The following RBFOX1 variants were observed in gnomAD, a reference collection of about 807,000 sequenced individuals.
RBFOX1 encodes RNA binding fox-1 homolog 1, also known as RNA binding protein fox-1 homolog 1.
A neutral mutation model predicts 57.7 loss-of-function variants in RBFOX1; 8 were observed. That is an observed-to-expected ratio of 0.14 (90% CI 0.08 to 0.25). The LOEUF (loss-of-function observed/expected upper bound fraction) is 0.25, where lower values mean the gene tolerates loss of function less well. Among genes scored for constraint, RBFOX1 ranks in the 10% least tolerant of loss-of-function variants. The probability of loss-of-function intolerance (pLI) is 1.00; values close to 1 mark genes in which losing one functional copy is unlikely to be tolerated. For synonymous variants in RBFOX1, 326 were observed against 222.4 expected, an observed-to-expected ratio of 1.47 and a Z score of -4.15; for missense variants, 611 against 548.5, an observed-to-expected ratio of 1.11 and a Z score of -1.14.
At chr16:6,930,672 G>C (rs947211221) in intron 3 of RBFOX1, among the ~76,000 whole-genome samples, 1 of 152,134 alleles carries the variant, frequency 6.6e-6, no homozygotes, top group Non-Finnish European at 1.5e-5. Context: ...GGCCTCCCAA[G>C]TTGCTGGGAT....
chr16:6,682,045 C>G (rs916767638), intron 3 of RBFOX1, among the ~76,000 whole-genome samples: 2 of 152,202 alleles, frequency 1.3e-5, no homozygotes, highest in African/African-American at 4.8e-5. Flanking sequence ...ACTCTTTGCT[C>G]ATATCTACTG....
At chr16:5,913,016 C>G (rs572364317) in intron 4 of RBFOX1, among the ~76,000 whole-genome samples, 5 of 152,106 alleles carry the variant, frequency 3.3e-5, no homozygotes, top group South Asian at 2.1e-4. Context: ...TCAGAAGACC[C>G]AAGTCTAAGT....
At chr16:7,036,411 C>G (rs956919205) in intron 3 of RBFOX1, among the ~76,000 whole-genome samples, 1 of 152,040 alleles carries the variant, frequency 6.6e-6, no homozygotes, top group East Asian at 1.9e-4. Flanking sequence ...GGATCTCCCT[C>G]AAGAAAGAAT....
intron 1 of RBFOX1, among the ~76,000 whole-genome samples, chr16:5,373,343 G>A (rs186408253): frequency 7.0e-4 from 106 of 152,284 alleles, no homozygotes; most frequent in Non-Finnish European, 1.4e-3. Context: ...GTTGGAGGAG[G>A]GACCCGGTGG....
chr16:6,761,942 T>C (rs148005351), intron 3 of RBFOX1, among the ~76,000 whole-genome samples: 79 of 152,270 alleles, frequency 5.2e-4, no homozygotes, highest in African/African-American at 1.9e-3. Flanking sequence ...CATTTATCTC[T>C]GACATTTTTT....
chr16:6,130,970 T>G (rs1272861303), intron 1 of RBFOX1, among the ~76,000 whole-genome samples: 1 of 152,180 alleles, frequency 6.6e-6, no homozygotes, highest in African/African-American at 2.4e-5. Context: ...GAAAAAACAT[T>G]CATAACCAGA....
chr16:7,483,731 G>T (rs1395952627), intron 4 of RBFOX1, among the ~76,000 whole-genome samples: 3 of 152,210 alleles, frequency 2.0e-5, no homozygotes. Flanking sequence ...CAAGACAACA[G>T]GTTACTGGGG....
intron 4 of RBFOX1, among the ~76,000 whole-genome samples, chr16:7,319,483 G>T (rs1343401459): frequency 6.6e-6 from 1 of 152,170 alleles, no homozygotes; most frequent in South Asian, 2.1e-4. Flanking sequence ...GTCAGTGTTT[G>T]TATGTCTGGG....
chr16:6,167,594 G>A (rs1166100195), intron 1 of RBFOX1, among the ~76,000 whole-genome samples: 1 of 152,178 alleles, frequency 6.6e-6, no homozygotes, highest in African/African-American at 2.4e-5. Context: ...ATGATAGTGA[G>A]ATAGGAATTT....
intron 4 of RBFOX1, among the ~76,000 whole-genome samples, chr16:5,958,118 C>T (rs1368981326): frequency 6.6e-6 from 1 of 152,182 alleles, no homozygotes; most frequent in African/African-American, 2.4e-5. Flanking sequence ...AGTGATGGCA[C>T]TACCTTTGTA....
downstream of RBFOX1, among the ~76,000 whole-genome samples, chr16:5,604,471 C>T (rs1432811893): frequency 1.3e-5 from 2 of 152,182 alleles, no homozygotes; most frequent in Non-Finnish European, 2.9e-5. Context: ...CCTACGGTTC[C>T]CTGCCACATG....
chr16:6,895,466 A>G (rs1236405328), intron 3 of RBFOX1, among the ~76,000 whole-genome samples: 6 of 116,218 alleles, frequency 5.2e-5, no homozygotes, highest in East Asian at 3.9e-4. Flanking sequence ...ATATATATAT[A>G]TATATATATA....
chr16:6,442,367 C>T (rs73538160), intron 2 of RBFOX1, among the ~76,000 whole-genome samples: 1 of 152,060 alleles, frequency 6.6e-6, no homozygotes, highest in Non-Finnish European at 1.5e-5. Context: ...ACCATCCAGA[C>T]CAACATGGTG....
At chr16:6,681,763 C>T (rs1009453569) in intron 3 of RBFOX1, among the ~76,000 whole-genome samples, 1 of 151,990 alleles carries the variant, frequency 6.6e-6, no homozygotes, top group South Asian at 2.1e-4. Flanking sequence ...CATAACCACT[C>T]TCTGTAATTC....
chr16:7,489,417 C>G (rs1288911280), intron 4 of RBFOX1, among the ~76,000 whole-genome samples: 1 of 152,074 alleles, frequency 6.6e-6, no homozygotes, highest in Non-Finnish European at 1.5e-5. Context: ...TGTATTAATC[C>G]CATTTAATCT....
chr16:6,658,945 G>GTTTTTTTGTTTTT (rs1555662403), intron 3 of RBFOX1, among the ~76,000 whole-genome samples: 59 of 139,484 alleles, frequency 4.2e-4, no homozygotes, highest in South Asian at 1.6e-3. Context: ...TGTTTTTTTT[G>GTTTTTTTGTTTTT]TTTTTTTTTT....
chr16:5,548,315 A>C (rs370654964), intron 2 of RBFOX1, among the ~76,000 whole-genome samples: 3 of 150,886 alleles, frequency 2.0e-5, no homozygotes, highest in African/African-American at 7.3e-5. Flanking sequence ...TTGTACTGCA[A>C]ACTTCAGTGT....
chr16:6,088,187 T>TTAGTTAC lies in RBFOX1; in HGVS notation c.-127+68196_-127+68197insAGTTACT, dbSNP rs1256122341. Among the ~76,000 whole-genome samples the TTAGTTAC allele has an allele frequency of 4.6e-5, 7 of 152,142 alleles. No individual in the cohort carries two copies. In the East Asian group the frequency reaches 1.3e-3, roughly 29 times the overall value. On this transcript the variant is annotated intron_variant, in intron 1 of 15. Coordinates refer to ENST00000550418, the MANE Select transcript of RBFOX1 (RefSeq NM_018723.4). ...CCAGAAAACTTACCCTCTTAGTTAC[T>TTAGTTAC]TTTTTTCTTTCATTTTTTTTTTCTC...
At chr16:5,781,542 A>G (rs563177247) in intron 3 of RBFOX1, among the ~76,000 whole-genome samples, 10 of 152,358 alleles carry the variant, frequency 6.6e-5, no homozygotes, top group Admixed American at 5.2e-4. Flanking sequence ...TTTTCTGTAA[A>G]GATCCAAGCA....
Sources: gnomAD v4.1 joint callset for allele counts (sites outside exome capture counted in the v4.1 genomes callset) on GRCh38, gnomAD v4.1.1 for gene constraint, MANE v1.5 for transcripts, NCBI Gene and HGNC (gene_info 2026-07-23, HGNC 2026-07-21) for gene names.